The following BICD1 variants were observed in gnomAD, a reference collection of about 807,000 sequenced individuals.
BICD1 encodes protein bicaudal D homolog 1.
In BICD1, 35 loss-of-function variants were observed where a neutral mutation model predicts 92.5. The observed-to-expected ratio is 0.38, with a 90% confidence interval of 0.29 to 0.50. The LOEUF (loss-of-function observed/expected upper bound fraction) is 0.50. Ranked by LOEUF, BICD1 falls within the 20% of genes least tolerant of loss-of-function variation. The pLI is 0.93. For missense variants in BICD1, 950 were observed against 1,189.8 expected, an observed-to-expected ratio of 0.80 and a Z score of 2.97; for synonymous variants, 429 against 465.1, an observed-to-expected ratio of 0.92 and a Z score of 1.00.
At position 32,261,436 on chromosome 12, in the gene BICD1, A is replaced by T. The variant is rs576084461; in HGVS notation, c.427-32558A>T. ...TGGGCTCTCACTGGTGTTCGTATGC[A>T]TATAGAATGGATGTCTGCATCACAT... On this transcript the variant is annotated intron_variant, in intron 2 of 9. Coordinates refer to ENST00000652176, the MANE Select transcript of BICD1 (RefSeq NM_001714.4). Among the ~76,000 whole-genome samples, 3 of 152,218 alleles carry T rather than the reference A, an allele frequency of 2.0e-5. No individual in the cohort carries two copies. The South Asian group carries it at 6.2e-4, about 32-fold the overall frequency.
intron 4 of BICD1, among the ~76,000 whole-genome samples, chr12:32,320,115 C>T (rs527775531): frequency 1.3e-5 from 2 of 152,232 alleles, no homozygotes; most frequent in African/African-American, 2.4e-5. Context: ...TCTCTTCAAG[C>T]AGAGAAGAAC....
At chr12:32,329,359 A>C (rs1445747838) in intron 5 of BICD1, among the ~76,000 whole-genome samples, 1 of 152,166 alleles carries the variant, frequency 6.6e-6, no homozygotes, top group African/African-American at 2.4e-5. Flanking sequence ...GGCCTCCCAA[A>C]GTGCTGGGAT....
At chr12:32,346,786 A>G (rs1394513456) in intron 8 of BICD1, among the ~76,000 whole-genome samples, 1 of 149,182 alleles carries the variant, frequency 6.7e-6, no homozygotes, top group Non-Finnish European at 1.5e-5. Flanking sequence ...CAAATGCTCA[A>G]CAGCCTAATT....
chr12:32,348,721 AAAATATATATATAT>A (rs1938729233), intron 8 of BICD1, among the ~76,000 whole-genome samples: 1 of 116,434 alleles, frequency 8.6e-6, no homozygotes, highest in Admixed American at 1.1e-4. Context: ...AGCTCACACA[AAAATATATATATAT>A]ATATATATAT....
chr12:32,296,248 T>A (rs933343282), intron 3 of BICD1, among the ~76,000 whole-genome samples: 1 of 50,952 alleles, frequency 2.0e-5, no homozygotes, highest in South Asian at 8.7e-4. Flanking sequence ...AAGAAGGGGT[T>A]TTTTTTTGTT....
rs1160962924 is a variant in BICD1, at chr12:32,377,541, C to G, written c.2842C>G (p.Pro948Ala). 6.2e-7 allele frequency: 1 copy of G among 1,613,890 alleles called. No homozygotes were observed. The highest frequency in any genetic ancestry group is 8.5e-7 in the Non-Finnish European group (1 of 1,179,820). ...AGRQDCPTVS[P>A]DTALPEEQPH... The stretch of plus-strand genomic sequence containing the variant: ...GACGTGCTTGTTTCTCCTTTCCAGT[C>G]CTGACACAGCTCTCCCTGAGGAGCA... The change falls in exon 10 of 10, where the codon CCT becomes GCT. Residue 948 changes from proline to alanine, a missense_variant and splice_region_variant. By Grantham distance (27) the Pro-to-Ala change is conservative. Coordinates refer to ENST00000652176, the MANE Select transcript of BICD1 (RefSeq NM_001714.4).
intron 2 of BICD1, among the ~76,000 whole-genome samples, chr12:32,257,391 T>C (rs1375629865): frequency 6.6e-6 from 1 of 152,152 alleles, no homozygotes; most frequent in African/African-American, 2.4e-5. Context: ...TATTGCTCAC[T>C]ATAGATCTAG....
At chr12:32,355,535 C>T (rs1939061398) in intron 8 of BICD1, among the ~76,000 whole-genome samples, 1 of 152,196 alleles carries the variant, frequency 6.6e-6, no homozygotes, top group East Asian at 1.9e-4. Context: ...GGCGCAGTGG[C>T]TCACACCTGT....
intron 8 of BICD1, among the ~76,000 whole-genome samples, chr12:32,350,519 T>C (rs913345727): frequency 6.6e-6 from 1 of 152,150 alleles, no homozygotes. Context: ...TATAGTTACA[T>C]AGCACTTATA....
intron 2 of BICD1, among the ~76,000 whole-genome samples, chr12:32,276,260 C>T (rs1947274523): frequency 6.6e-6 from 1 of 152,112 alleles, no homozygotes; most frequent in African/African-American, 2.4e-5. Flanking sequence ...TACACAACAC[C>T]TACTATGCCC....
chr12:32,213,552 C>T (rs575467843), intron 1 of BICD1, among the ~76,000 whole-genome samples: 25 of 152,280 alleles, frequency 1.6e-4, no homozygotes, highest in South Asian at 1.2e-3. Flanking sequence ...CACACCACCA[C>T]GCCTGGCTAA....
chr12:32,183,647 C>G (rs1056751532), intron 1 of BICD1, among the ~76,000 whole-genome samples: 4 of 152,206 alleles, frequency 2.6e-5, no homozygotes, highest in Non-Finnish European at 5.9e-5. Flanking sequence ...CTTAAGCATA[C>G]TCTGAGAATG....
At chr12:32,248,044 C>G (rs547519917) in intron 2 of BICD1, among the ~76,000 whole-genome samples, 1 of 152,222 alleles carries the variant, frequency 6.6e-6, no homozygotes, top group Admixed American at 6.5e-5. Flanking sequence ...GATCGCACCA[C>G]TGCACTCCAG....
rs1303990554 is a variant in BICD1, at chr12:32,380,063, A to T, written c.*2436A>T. 3.3e-5 allele frequency: 5 copies of T among 152,236 alleles called. No individual in the cohort carries two copies. Among genetic ancestry groups the T allele is most frequent in the Non-Finnish European group, 7.3e-5 (5 of 68,038 alleles). 9.4% of individuals were successfully genotyped at this position (152,236 alleles called of 1,614,324 possible). On this transcript the variant is annotated 3_prime_UTR_variant, in exon 10 of 10. Transcript: ENST00000652176. ...TGGGAAAGTCTTTTTCTGAAATACTAATTCTATGAAAATAATAATTTTAGT... is the reference window on the plus strand; with the variant it reads ...TGGGAAAGTCTTTTTCTGAAATACTTATTCTATGAAAATAATAATTTTAGT...
intron 2 of BICD1, among the ~76,000 whole-genome samples, chr12:32,253,349 C>T (rs1299467568): frequency 1.3e-5 from 2 of 152,118 alleles, no homozygotes; most frequent in African/African-American, 4.8e-5. Context: ...TTTCAAAATG[C>T]TTACTTTCCA....
At chr12:32,311,308 C>T (rs1221709272) in intron 4 of BICD1, among the ~76,000 whole-genome samples, 2 of 152,028 alleles carry the variant, frequency 1.3e-5, no homozygotes, top group East Asian at 1.9e-4. Flanking sequence ...CCATCCTGGC[C>T]AACATGGTGA....
intron 8 of BICD1, among the ~76,000 whole-genome samples, chr12:32,341,269 AG>A (rs1383085826): frequency 6.6e-6 from 1 of 152,104 alleles, no homozygotes; most frequent in East Asian, 1.9e-4. Context: ...TGGGCTCAGG[AG>A]TTTTAGACCA....
At chr12:32,199,655 T>C (rs1944846912) in intron 1 of BICD1, among the ~76,000 whole-genome samples, 1 of 152,178 alleles carries the variant, frequency 6.6e-6, no homozygotes, top group Admixed American at 6.5e-5. Context: ...CTTCTTCTAA[T>C]CTATAGCTAA....
intron 1 of BICD1, among the ~76,000 whole-genome samples, chr12:32,194,649 A>G (rs2121532591): frequency 6.6e-6 from 1 of 152,278 alleles, no homozygotes; most frequent in African/African-American, 2.4e-5. Flanking sequence ...TGGGAGGCCG[A>G]GGGGGGTGGA....
Sources: allele counts gnomAD v4.1 joint callset (sites outside exome capture counted in the v4.1 genomes callset), GRCh38; gene constraint gnomAD v4.1.1; transcripts MANE v1.5; gene names NCBI Gene and HGNC (gene_info 2026-07-23, HGNC 2026-07-21).